Variants in ANKH observed in about 807,000 individuals in gnomAD.
ANKH encodes ANKH inorganic pyrophosphate transport regulator, also known as mineralization regulator ANKH.
A neutral mutation model predicts 49.0 loss-of-function variants in ANKH; 15 were observed. The observed-to-expected ratio is 0.31, with a 90% CI of 0.20 to 0.47. The LOEUF (loss-of-function observed/expected upper bound fraction) is 0.47. ANKH is among the 20% of genes least tolerant of loss of function. ANKH has a pLI of 1.00. For missense variants in ANKH, 429 were observed against 652.0 expected (o/e 0.66, Z 3.72); for synonymous variants, 273 against 260.0 (o/e 1.05, Z -0.48).
Position 14,707,826 on chromosome 5 carries a change from G to A in ANKH, c.*3371C>T, listed in dbSNP as rs1736999334. The stretch of plus-strand genomic sequence containing the variant: ...AGGACATTTCCAAGCCAAACTACCA[G>A]CTAATGCTAAAAATCAAGGCAAAGT... On this transcript the variant is annotated 3_prime_UTR_variant, in exon 12 of 12. Coordinates refer to ENST00000284268, the MANE Select transcript of ANKH (RefSeq NM_054027.6). The A allele has an allele frequency of 6.6e-6, 1 of 152,182 alleles. No individual in the cohort carries two copies. Among genetic ancestry groups the A allele is most frequent in the South Asian group, 2.1e-4 (1 of 4,828 alleles). The allele number at this position is 152,182 out of a possible 1,614,324, so 9.4% of individuals were successfully genotyped here. A position where few individuals can be genotyped will look rare whatever the true frequency, so the allele number is the denominator to read the frequency against.
intron 1 of ANKH, among the ~76,000 whole-genome samples, chr5:14,852,060 C>T (rs181179956): frequency 1.4e-4 from 22 of 152,296 alleles, no homozygotes; most frequent in Admixed American, 1.2e-3. Flanking sequence ...GGTGGGAGGA[C>T]TGCTTGAGCC....
At position 14,769,133 on chromosome 5, in the gene ANKH, T is replaced by G; in HGVS notation, c.155A>C (p.Tyr52Ser). Residue 52 changes from tyrosine (Y) to serine (S), a missense_variant, in exon 2 of 12, where the codon TAC (tyrosine) becomes TCC (serine). Transcript: ENST00000284268. ...CTTCATGAGGGAGTACGCCAGCCCG[T>G]AGCTGGCCAGCATCTCGACTGCATC... ...KEDAVEMLAS[Y>S]GLAYSLMKFF... 1 of 1,614,108 alleles carries G rather than the reference T, an allele frequency of 6.2e-7. No individual in the cohort carries two copies. The highest frequency in any genetic ancestry group is 8.5e-7 in the Non-Finnish European group (1 of 1,180,028).
At chr5:14,780,660 TTA>T (rs1431878337) in intron 1 of ANKH, among the ~76,000 whole-genome samples, 30 of 152,218 alleles carry the variant, frequency 2.0e-4, no homozygotes, top group Admixed American at 3.9e-4. Context: ...CAAGAGATTA[TTA>T]TGTGAAATGC....
At chr5:14,799,419 T>C (rs1203178999) in intron 1 of ANKH, among the ~76,000 whole-genome samples, 1 of 152,238 alleles carries the variant, frequency 6.6e-6, no homozygotes, top group African/African-American at 2.4e-5. Flanking sequence ...AACAGTCTTT[T>C]ATTGGAAGAA....
At chr5:14,843,749 G>A (rs548694137) in intron 1 of ANKH, among the ~76,000 whole-genome samples, 27 of 152,098 alleles carry the variant, frequency 1.8e-4, no homozygotes, top group South Asian at 1.2e-3. Context: ...GTGTGTGCTC[G>A]CTCTTGAGTT....
In ANKH at chr5:14,822,556, A is replaced by C. The variant is rs565874871; in HGVS notation, c.96+48796T>G. 5.3e-5 allele frequency among the ~76,000 whole-genome samples: 8 copies of C among 152,348 alleles called. No homozygotes were observed. In the South Asian group the frequency reaches 1.7e-3, roughly 32 times the overall value. ...TTCAATTCTGTTATGTAATCATTTT[A>C]TTGTATATAAAATGGTAGTGGCCTT... On this transcript the variant is annotated intron_variant, in intron 1 of 11. Transcript: ENST00000284268.
At chr5:14,845,905 G>A (rs891979671) in intron 1 of ANKH, among the ~76,000 whole-genome samples, 4 of 142,944 alleles carry the variant, frequency 2.8e-5, no homozygotes, top group African/African-American at 5.3e-5. Flanking sequence ...CCAGGCTGGA[G>A]AGTACAATGG....
intron 9 of ANKH, among the ~76,000 whole-genome samples, chr5:14,716,446 T>A (rs1012772909): frequency 6.6e-6 from 1 of 152,264 alleles, no homozygotes; most frequent in East Asian, 1.9e-4. Flanking sequence ...GAGCCGACAT[T>A]GTGCTACTGC....
At chr5:14,822,759 G>A (rs554071855) in intron 1 of ANKH, among the ~76,000 whole-genome samples, 5 of 152,274 alleles carry the variant, frequency 3.3e-5, no homozygotes, top group South Asian at 4.2e-4. Flanking sequence ...TACTAATACC[G>A]TAATTGGCTG....
chr5:14,783,133 A>C (rs1463233446), intron 1 of ANKH, among the ~76,000 whole-genome samples: 1 of 152,114 alleles, frequency 6.6e-6, no homozygotes, highest in Non-Finnish European at 1.5e-5. Context: ...CGTTGTTTTT[A>C]GGAGGTGAGA....
intron 1 of ANKH, among the ~76,000 whole-genome samples, chr5:14,808,172 C>T (rs1740762232): frequency 6.6e-6 from 1 of 152,056 alleles, no homozygotes; most frequent in South Asian, 2.1e-4. Flanking sequence ...AAAAATCAGC[C>T]ATATTCATAC....
intron 1 of ANKH, among the ~76,000 whole-genome samples, chr5:14,843,990 A>G (rs1741889172): frequency 1.3e-5 from 2 of 152,170 alleles, no homozygotes; most frequent in Non-Finnish European, 1.5e-5. Context: ...GGAGAGAGGG[A>G]TAAAAGGGAA....
chr5:14,769,124 G>A lies in ANKH; in HGVS notation c.164C>T (p.Ala55Val), dbSNP rs1443968668. 4 of 1,613,918 alleles carry A rather than the reference G, an allele frequency of 2.5e-6. No homozygotes were observed. The highest frequency in any genetic ancestry group is 1.1e-5 in the South Asian group (1 of 91,080). ...AVEMLASYGL[A>V]YSLMKFFTGP... ...CGTGAAGAACTTCATGAGGGAGTAC[G>A]CCAGCCCGTAGCTGGCCAGCATCTC... The change falls in exon 2 of 12, where the codon GCG (alanine) becomes GTG (valine). Residue 55 changes from alanine (A) to valine (V), a missense_variant. By Grantham distance (64) the Ala-to-Val change is moderately conservative. Around this residue, in one of 2 missense-constraint regions of ANKH, gnomAD observed 378 missense variants for 615.3 expected, o/e 0.61. Transcript: ENST00000284268.
chr5:14,773,489 G>A (rs1172414446), intron 1 of ANKH, among the ~76,000 whole-genome samples: 1 of 151,434 alleles, frequency 6.6e-6, no homozygotes, highest in Non-Finnish European at 1.5e-5. Context: ...TGGGAAGAGA[G>A]AGGGCCCAGG....
chr5:14,858,878 C>T (rs1004988302), intron 1 of ANKH, among the ~76,000 whole-genome samples: 2 of 151,386 alleles, frequency 1.3e-5, no homozygotes, highest in African/African-American at 4.8e-5. Context: ...GATACTTTTC[C>T]TTCTTTTAAA....
chr5:14,851,075 G>C (rs1742109786), intron 1 of ANKH, among the ~76,000 whole-genome samples: 1 of 152,094 alleles, frequency 6.6e-6, no homozygotes, highest in African/African-American at 2.4e-5. Context: ...CTATGACATG[G>C]AATCCTACTG....
chr5:14,755,374 T>G (rs1738853107), intron 4 of ANKH, among the ~76,000 whole-genome samples: 1 of 152,138 alleles, frequency 6.6e-6, no homozygotes, highest in Non-Finnish European at 1.5e-5. Flanking sequence ...TCCTTCTAAA[T>G]GTGGGGAAGT....
intron 1 of ANKH, among the ~76,000 whole-genome samples, chr5:14,780,905 G>T (rs531215672): frequency 6.6e-6 from 1 of 152,166 alleles, no homozygotes. Context: ...TGTAGTAGAC[G>T]AAATCTAGTT....
At chr5:14,839,392 CACAG>C (rs1741753091) in intron 1 of ANKH, among the ~76,000 whole-genome samples, 1 of 151,908 alleles carries the variant, frequency 6.6e-6, no homozygotes, top group African/African-American at 2.4e-5. Context: ...GACACACACG[CACAG>C]ACAGAGTTTT....
Sources: gnomAD v4.1 joint callset for allele counts (sites outside exome capture counted in the v4.1 genomes callset) on GRCh38, gnomAD v4.1.1 for gene constraint, gnomAD v4.1.1 regional missense constraint, MANE v1.5 for transcripts, NCBI Gene and HGNC (gene_info 2026-07-23, HGNC 2026-07-21) for gene names.